Variants in TNS1 observed in about 807,000 individuals in gnomAD.
TNS1 encodes the protein tensin-1.
Under a neutral mutation model 168.6 loss-of-function variants are expected in TNS1, and 62 were observed. That is an observed-to-expected ratio of 0.37 (90% confidence interval 0.30 to 0.45). The LOEUF (loss-of-function observed/expected upper bound fraction) is 0.45. TNS1 is among the 20% of genes least tolerant of loss of function. The probability of loss-of-function intolerance (pLI) is 1.00; values close to 1 mark genes in which losing one functional copy is unlikely to be tolerated. For missense variants in TNS1, 2,240 were observed against 2,339.4 expected, an observed-to-expected ratio of 0.96 and a Z score of 0.88; for synonymous variants, 934 against 933.2, an observed-to-expected ratio of 1.00 and a Z score of -0.02.
chr2:217,879,977 C>T (rs1044224003), intron 18 of TNS1, among the ~76,000 whole-genome samples: 1 of 152,174 alleles, frequency 6.6e-6, no homozygotes, highest in Non-Finnish European at 1.5e-5. Flanking sequence ...GAGGTTCTGC[C>T]TCTGGGAAGG....
Position 217,990,946 on chromosome 2 carries a change from G to A in TNS1, c.144C>T (p.Cys48=). Residue 48 remains cysteine (C), a synonymous_variant, in exon 2 of 33, where the codon TGC becomes TGT. Coordinates refer to ENST00000682258, the MANE Select transcript of TNS1 (RefSeq NM_001387777.1). ...RQVITQEGCT[C]KVCSFSCHRK... The stretch of plus-strand genomic sequence containing the variant: ...ACAGCCCAGACCGCTGCTCACCTTT[G>A]CAGGTGCAGCCTTCCTGGGTGATGA... 1.5e-6 allele frequency: 1 copy of A among 668,442 alleles called. No homozygotes were observed. The highest frequency in any genetic ancestry group is 2.8e-6 in the Non-Finnish European group (1 of 362,228). 41.4% of individuals were successfully genotyped at this position (668,442 alleles called of 1,614,324 possible).
chr2:217,817,829 C>A lies in TNS1; in HGVS notation c.4503G>T (p.Arg1501=), dbSNP rs767469933. 4 of 1,614,098 alleles carry A rather than the reference C, an allele frequency of 2.5e-6. No homozygotes were observed. Among genetic ancestry groups the A allele is most frequent in the Non-Finnish European group, 3.4e-6 (4 of 1,180,042 alleles). Residue 1501 remains arginine (R), a synonymous_variant, in exon 24 of 33, where the codon CGG becomes CGT. Coordinates refer to ENST00000682258, the MANE Select transcript of TNS1 (RefSeq NM_001387777.1). The part of the protein sequence containing the change: ...PEKRRMSVGD[R]AGSLPNYATI... ...TGGCATAGTTGGGGAGGCTGCCTGCCCGGTCTCCCACTGACATCCTTCGCT... is the reference window on the plus strand; with the variant it reads ...TGGCATAGTTGGGGAGGCTGCCTGCACGGTCTCCCACTGACATCCTTCGCT...
chr2:217,834,238 C>T (rs756860147), intron 21 of TNS1, among the ~76,000 whole-genome samples: 5 of 152,208 alleles, frequency 3.3e-5, no homozygotes, highest in Admixed American at 1.3e-4. Flanking sequence ...GGACAGCCAG[C>T]CCCTAGGGGA....
chr2:217,863,414 A>G (rs574459020), intron 18 of TNS1, among the ~76,000 whole-genome samples: 16 of 152,254 alleles, frequency 1.1e-4, no homozygotes, highest in African/African-American at 3.6e-4. Flanking sequence ...AGATGCTGCT[A>G]AACATCCTAC....
chr2:217,980,502 C>CAG (rs1559398375), intron 2 of TNS1, among the ~76,000 whole-genome samples: 1 of 117,922 alleles, frequency 8.5e-6, no homozygotes, highest in African/African-American at 3.8e-5. Context: ...CTCCTACACA[C>CAG]ACACAGAGAG....
intron 3 of TNS1, among the ~76,000 whole-genome samples, chr2:217,942,948 TG>T (rs1956990034): frequency 6.6e-6 from 1 of 152,036 alleles, no homozygotes; most frequent in Admixed American, 6.5e-5. Context: ...CTAAAACATC[TG>T]GGCAGGCAGT....
At position 217,841,245 on chromosome 2, in the gene TNS1, G is replaced by T. The variant is rs529390530; in HGVS notation, c.3008-5034C>A. ...GCCGGTGGAGAGGAGGGGGCGGGAA[G>T]CTGCCACTGTGTCCGATGCCCTGCA... is the stretch of plus-strand genomic sequence containing the variant. On this transcript the variant is annotated intron_variant, in intron 19 of 32. Transcript: ENST00000682258. The T allele has an allele frequency of 2.3e-4, 227 of 985,046 alleles. 1 individual carries two copies. Among genetic ancestry groups the T allele is most frequent in the Non-Finnish European group, 2.1e-4 (178 of 829,846 alleles). The allele number at this position is 985,046 out of a possible 1,614,324, so 61.0% of individuals were successfully genotyped here. A position where few individuals can be genotyped will look rare whatever the true frequency, so the allele number is the denominator to read the frequency against.
chr2:217,990,396 C>T (rs1958332407), intron 2 of TNS1, among the ~76,000 whole-genome samples: 1 of 149,796 alleles, frequency 6.7e-6, no homozygotes, highest in Admixed American at 6.6e-5. Context: ...ACACATAGGC[C>T]ACACACCAGC....
At chr2:217,875,865 G>GCCC (rs1301809800) in intron 18 of TNS1, among the ~76,000 whole-genome samples, 1 of 152,150 alleles carries the variant, frequency 6.6e-6, no homozygotes, top group Non-Finnish European at 1.5e-5. Flanking sequence ...CCTGTCACCA[G>GCCC]CCCCCGGTTC....
rs964162329 is a variant in TNS1, at chr2:217,800,727, A to G, written c.*3732T>C. 7 of 151,896 alleles carry G rather than the reference A, an allele frequency of 4.6e-5. No individual in the cohort carries two copies. Among genetic ancestry groups the G allele is most frequent in the African/African-American group, 1.5e-4 (6 of 41,314 alleles). The allele number at this position is 151,896 out of a possible 1,614,324, so 9.4% of individuals were successfully genotyped here. ...TTGGGTGTCTGCCTTGACTCACAGGATCTCCCCAGGTCCTAAAGCTGAAAA... is the reference window on the plus strand; with the variant it reads ...TTGGGTGTCTGCCTTGACTCACAGGGTCTCCCCAGGTCCTAAAGCTGAAAA... On this transcript the variant is annotated 3_prime_UTR_variant, in exon 33 of 33. Transcript: ENST00000682258.
intron 1 of TNS1, among the ~76,000 whole-genome samples, chr2:218,016,229 A>G (rs876961): frequency 0.59 from 88,986 of 151,908 alleles, 26,218 homozygotes; most frequent in Middle Eastern, 0.67. Flanking sequence ...GGTTGGGTTG[A>G]GAGGCACAAG....
chr2:217,851,473 A>G (rs935182364), intron 18 of TNS1, among the ~76,000 whole-genome samples: 10 of 147,640 alleles, frequency 6.8e-5, no homozygotes, highest in Non-Finnish European at 1.2e-4. Flanking sequence ...ACACACACAC[A>G]CCCCAGGGAC....
At chr2:217,900,398 C>T in intron 7 of TNS1, 65 bp downstream of exon 7, 1 of 1,510,432 alleles carries the variant, frequency 6.6e-7, no homozygotes. Context: ...CAAGACTTAA[C>T]AGGGACACCC....
Position 217,800,594 on chromosome 2 carries a change from G to A in TNS1, c.*3865C>T, listed in dbSNP as rs894236919. 6.6e-6 allele frequency: 1 copy of A among 152,256 alleles called. No homozygotes were observed. Among genetic ancestry groups the A allele is most frequent in the East Asian group, 1.9e-4 (1 of 5,192 alleles). 9.4% of individuals were successfully genotyped at this position (152,256 alleles called of 1,614,324 possible). A position where few individuals can be genotyped will look rare whatever the true frequency, so the allele number is the denominator to read the frequency against. On this transcript the variant is annotated 3_prime_UTR_variant, in exon 33 of 33. Coordinates refer to ENST00000682258, the MANE Select transcript of TNS1 (RefSeq NM_001387777.1). ...GCACACACGTCCTGTGTTACCACTG[G>A]CCAAGGAAACGCGAGTCTCAGGATT...
At position 217,802,478 on chromosome 2, in the gene TNS1, G is replaced by A. The variant is rs1485884982; in HGVS notation, c.*1981C>T. Reference sequence around the variant, plus strand: ...CCCCGCATGCTCACACACTCGCTCAGGCCTGCAGAGTCAGGGACAGCTCCC... The same window carrying A: ...CCCCGCATGCTCACACACTCGCTCAAGCCTGCAGAGTCAGGGACAGCTCCC... On this transcript the variant is annotated 3_prime_UTR_variant, in exon 33 of 33. Transcript: ENST00000682258. The A allele has an allele frequency of 6.6e-6, 1 of 152,254 alleles. No individual in the cohort carries two copies. The highest frequency in any genetic ancestry group is 2.4e-5 in the African/African-American group (1 of 41,446). The allele number at this position is 152,254 out of a possible 1,614,324, so 9.4% of individuals were successfully genotyped here.
rs574939822 is a variant in TNS1 at position 217,857,908 on chromosome 2, C to T, written c.1430-8821G>A. Among the ~76,000 whole-genome samples, 23 of 152,320 alleles carry T rather than the reference C, an allele frequency of 1.5e-4. 1 individual carries two copies. In the South Asian group the frequency reaches 2.5e-3, roughly 16 times the overall value. On this transcript the variant is annotated intron_variant, in intron 18 of 32. Transcript: ENST00000682258. ...CCAGAGCCCACAACAAGCTGAAGTC[C>T]TTCTCTGCCAGGCCAGGGTGCCAGC... is the stretch of plus-strand genomic sequence containing the variant.
At chr2:217,831,015 C>T (rs1944344827) in intron 22 of TNS1, among the ~76,000 whole-genome samples, 1 of 152,178 alleles carries the variant, frequency 6.6e-6, no homozygotes, top group Non-Finnish European at 1.5e-5. Flanking sequence ...AGAGCAGAGC[C>T]AGCTGGGCTG....
chr2:217,961,256 C>CAGAG (rs539858587), intron 3 of TNS1, among the ~76,000 whole-genome samples: 40 of 141,148 alleles, frequency 2.8e-4, no homozygotes, highest in African/African-American at 4.3e-4. Flanking sequence ...CACACACACA[C>CAGAG]ACACAGAGAG....
intron 7 of TNS1, among the ~76,000 whole-genome samples, chr2:217,898,823 T>G (rs1952609740): frequency 6.6e-6 from 1 of 152,180 alleles, no homozygotes; most frequent in Non-Finnish European, 1.5e-5. Context: ...GGCTCGCATC[T>G]TTACATCTCT....
Sources: gnomAD v4.1 joint callset for allele counts (sites outside exome capture counted in the v4.1 genomes callset) on GRCh38, gnomAD v4.1.1 for gene constraint, MANE v1.5 for transcripts, NCBI Gene and HGNC (gene_info 2026-07-23, HGNC 2026-07-21) for gene names.